Variants in MPPE1 observed in about 807,000 individuals in gnomAD.
The protein encoded by MPPE1 is metallophosphoesterase 1.
In MPPE1, 28 loss-of-function variants were observed where a neutral mutation model predicts 43.8. That is an observed-to-expected ratio of 0.64 (90% confidence interval 0.47 to 0.88). The LOEUF (loss-of-function observed/expected upper bound fraction) is 0.88, where lower values mean the gene tolerates loss of function less well. Among genes scored for constraint, MPPE1 ranks in the 40% least tolerant of loss-of-function variants. The pLI, the probability that MPPE1 is intolerant of heterozygous loss-of-function variation, is 0.00. For synonymous variants in MPPE1, 159 were observed against 188.5 expected, an observed-to-expected ratio of 0.84 and a Z score of 1.28; for missense variants, 428 against 492.2, an observed-to-expected ratio of 0.87 and a Z score of 1.23.
chr18:11,886,628 G>C lies in MPPE1; in HGVS notation c.745-7C>G. On this transcript the variant is annotated splice_polypyrimidine_tract_variant and splice_region_variant and intron_variant, in intron 8 of 10. Coordinates refer to ENST00000588072, the MANE Select transcript of MPPE1 (RefSeq NM_023075.6). The surrounding 1 kb of genome is among the most constrained non-coding windows in gnomAD (Gnocchi z 4.1). Reference sequence around the variant, plus strand: ...TCCGATACAGAGGATAATGCTGTCCGGGGTGGAGAGAGGAGTTCAGGCGGC... The same window carrying C: ...TCCGATACAGAGGATAATGCTGTCCCGGGTGGAGAGAGGAGTTCAGGCGGC... 1 of 1,614,140 alleles carries C rather than the reference G, an allele frequency of 6.2e-7. No individual in the cohort carries two copies. Among genetic ancestry groups the C allele is most frequent in the Non-Finnish European group, 8.5e-7 (1 of 1,180,042 alleles).
chr18:11,890,343 A>G (rs1021617277), intron 4 of MPPE1, among the ~76,000 whole-genome samples: 8 of 150,912 alleles, frequency 5.3e-5, no homozygotes, highest in Non-Finnish European at 1.0e-4. Context: ...GGGTCTCACT[A>G]TGTCACCCAG....
chr18:11,884,838 G>A (rs1038887677), intron 10 of MPPE1: 15 of 1,387,378 alleles, frequency 1.1e-5, no homozygotes, highest in Admixed American at 3.0e-5. Context: ...AGACAAGTAA[G>A]GCCCAAGTGT....
chr18:11,901,462 C>T lies in MPPE1; in HGVS notation c.-92-4106G>A, dbSNP rs576233578. ...GCCAGACTGGTATCGAACTCCTGGC[C>T]TCAGGTGATCCACCCGCCTCGGCCT... is the stretch of plus-strand genomic sequence containing the variant. On this transcript the variant is annotated intron_variant, in intron 2 of 10. Coordinates refer to ENST00000588072, the MANE Select transcript of MPPE1 (RefSeq NM_023075.6). Among the ~76,000 whole-genome samples, 543 of 151,892 alleles carry T rather than the reference C, an allele frequency of 3.6e-3. 4 individuals are homozygous for T. Among genetic ancestry groups the T allele is most frequent in the African/African-American group, 0.012 (503 of 41,490 alleles).
chr18:11,897,505 CTAA>C (rs1262332118), intron 2 of MPPE1, 149 bp from the exon 3 acceptor site: 16 of 465,322 alleles, frequency 3.4e-5, no homozygotes, highest in African/African-American at 2.2e-4. Context: ...TGCCAGATTA[CTAA>C]TAAGGAAAAC....
In MPPE1 at chr18:11,886,869, G is replaced by T; in HGVS notation, c.678+48C>A. On this transcript the variant is annotated intron_variant, in intron 7 of 10. Coordinates refer to ENST00000588072, the MANE Select transcript of MPPE1 (RefSeq NM_023075.6). The surrounding 1 kb of genome is among the most constrained non-coding windows in gnomAD (Gnocchi z 4.1). ...GGGGGCTGAGTGAGCAACCGAAGCGGAGCAACACGGGACAGAAGGCACCTG... is the reference window on the plus strand; with the variant it reads ...GGGGGCTGAGTGAGCAACCGAAGCGTAGCAACACGGGACAGAAGGCACCTG... 1 of 1,596,078 alleles carries T rather than the reference G, an allele frequency of 6.3e-7. No individual in the cohort carries two copies. Among genetic ancestry groups the T allele is most frequent in the East Asian group, 2.2e-5 (1 of 44,472 alleles).
Position 11,882,903 on chromosome 18 carries a change from T to C in MPPE1, c.*1542A>G, listed in dbSNP as rs1375443466. The C allele has an allele frequency of 6.6e-6, 1 of 152,150 alleles. No individual in the cohort carries two copies. The highest frequency in any genetic ancestry group is 1.5e-5 in the Non-Finnish European group (1 of 68,030). 9.4% of individuals were successfully genotyped at this position (152,150 alleles called of 1,614,324 possible). A position where few individuals can be genotyped will look rare whatever the true frequency, so the allele number is the denominator to read the frequency against. ...ACAATATCTAGAAAGTAAGAACTGG[T>C]GTAGCAATGATGCTTCATATTCTAG... On this transcript the variant is annotated 3_prime_UTR_variant, in exon 11 of 11. Coordinates refer to ENST00000588072, the MANE Select transcript of MPPE1 (RefSeq NM_023075.6).
chr18:11,903,593 T>C (rs1598604576), intron 2 of MPPE1, among the ~76,000 whole-genome samples: 1 of 151,900 alleles, frequency 6.6e-6, no homozygotes, highest in Admixed American at 6.6e-5. Flanking sequence ...GATCACAAGG[T>C]TAGGAGATCG....
chr18:11,886,523 C>T lies in MPPE1; in HGVS notation c.843G>A (p.Val281=). The change falls in exon 9 of 11, where the codon GTG becomes GTA. Residue 281 remains valine (V), a synonymous_variant. Transcript: ENST00000588072. This position sits in a 1 kb window ranked among gnomAD's most constrained non-coding sequence, Gnocchi z 4.1. The stretch of plus-strand genomic sequence containing the variant: ...CCTTTTGTGATGCCTCCCGTGAAAG[C>T]ACGTCATAGTTCTCCTTAAATGGGA... ...RDIPFKENYD[V]LSREASQKLL... 6.2e-7 allele frequency: 1 copy of T among 1,614,196 alleles called. No individual in the cohort carries two copies. The highest frequency in any genetic ancestry group is 8.5e-7 in the Non-Finnish European group (1 of 1,180,034).
In MPPE1 at chr18:11,884,147, G is replaced by A. The variant is rs1469552758; in HGVS notation, c.*298C>T. On this transcript the variant is annotated 3_prime_UTR_variant, in exon 11 of 11. Coordinates refer to ENST00000588072, the MANE Select transcript of MPPE1 (RefSeq NM_023075.6). ...CCTTCCTGGGGGAACAAGGACTGTC[G>A]TGCATGTGAGTGACGACATTAATAG... is the stretch of plus-strand genomic sequence containing the variant. 1.8e-5 allele frequency: 5 copies of A among 283,296 alleles called. No individual in the cohort carries two copies. The highest frequency in any genetic ancestry group is 2.7e-5 in the Non-Finnish European group (4 of 147,114). 17.5% of individuals were successfully genotyped at this position (283,296 alleles called of 1,614,324 possible).
chr18:11,897,078 G>A lies in MPPE1; in HGVS notation c.187C>T (p.Gln63Ter), dbSNP rs2038686832. The A allele has an allele frequency of 4.6e-6, 7 of 1,527,338 alleles. No individual in the cohort carries two copies. Among genetic ancestry groups the A allele is most frequent in the African/African-American group, 1.4e-5 (1 of 72,488 alleles). The allele number at this position is 1,527,338 out of a possible 1,614,324, so 94.6% of individuals were successfully genotyped here. A position where few individuals can be genotyped will look rare whatever the true frequency, so the allele number is the denominator to read the frequency against. Residue 63 changes from glutamine (Q) to a stop codon, truncating the protein, a stop_gained, in exon 3 of 11, where the codon CAG becomes TAG. Coordinates refer to ENST00000588072, the MANE Select transcript of MPPE1 (RefSeq NM_023075.6). LOFTEE classifies it high-confidence loss of function. Reference sequence around the variant, plus strand: ...TTGAGCACAGGCTCACGTGTGGTCTGTTCACCATCAGAGGCTGTGGTTTTC... The same window carrying A: ...TTGAGCACAGGCTCACGTGTGGTCTATTCACCATCAGAGGCTGTGGTTTTC... ...EVKTTASDGE[Q>*]TTREPVLKAM... is the part of the protein sequence containing the mutation.
chr18:11,893,220 C>T (rs555447472), intron 4 of MPPE1: 55 of 452,152 alleles, frequency 1.2e-4, no homozygotes, highest in Non-Finnish European at 2.0e-4. Context: ...TCTGGCTAAT[C>T]GACATATTTC....
At chr18:11,892,527 G>T (rs865936608) in intron 4 of MPPE1, among the ~76,000 whole-genome samples, 69 of 151,880 alleles carry the variant, frequency 4.5e-4, no homozygotes, top group Non-Finnish European at 6.3e-4. Flanking sequence ...AAATTAGCCG[G>T]GCGTGGTGAC....
chr18:11,890,176 T>C (rs1295806183), intron 4 of MPPE1, among the ~76,000 whole-genome samples: 1 of 151,894 alleles, frequency 6.6e-6, no homozygotes, highest in Admixed American at 6.6e-5. Flanking sequence ...TCTCCTGACC[T>C]CATGATCCGC....
rs189935004 is a variant in MPPE1, at chr18:11,904,657, G to A, written c.-93+1546C>T. On this transcript the variant is annotated intron_variant, in intron 2 of 10. Transcript: ENST00000588072. ...TTTTAAAAGATAAGAGTGGCTGTGC[G>A]GGGCATGGTGGCTCATGCCTGTAAT... Among the ~76,000 whole-genome samples the A allele has an allele frequency of 3.1e-3, 467 of 152,264 alleles. 2 individuals are homozygous for A. The highest frequency in any genetic ancestry group is 6.9e-3 in the Admixed American group (105 of 15,286).
Position 11,886,395 on chromosome 18 carries a change from G to C in MPPE1, c.867+104C>G. On this transcript the variant is annotated intron_variant, in intron 9 of 10. Coordinates refer to ENST00000588072, the MANE Select transcript of MPPE1 (RefSeq NM_023075.6). This position sits in a 1 kb window ranked among gnomAD's most constrained non-coding sequence, Gnocchi z 4.1. ...CCCAGGTGATAACTAAGTCATGAAC[G>C]TTTCAGCAAACACCTGCTCTAGCCT... 6.5e-7 allele frequency: 1 copy of C among 1,534,426 alleles called. No homozygotes were observed. Among genetic ancestry groups the C allele is most frequent in the Admixed American group, 1.7e-5 (1 of 59,340 alleles).
chr18:11,884,786 C>G, intron 10 of MPPE1, 159 bp from the exon 11 acceptor site: 1 of 1,357,480 alleles, frequency 7.4e-7, no homozygotes, highest in South Asian at 1.5e-5. Flanking sequence ...CAGCCTTCTC[C>G]CTGCACAGCT....
Position 11,889,480 on chromosome 18 carries a change from T to C in MPPE1, c.401A>G (p.Asp134Gly), listed in dbSNP as rs765100834. 4.3e-6 allele frequency: 7 copies of C among 1,612,776 alleles called. No homozygotes were observed. Among genetic ancestry groups the C allele is most frequent in the Non-Finnish European group, 5.9e-6 (7 of 1,179,300 alleles). ...GKWSTPEAWA[D>G]DVERFQKMFR... ...CATTTTCTGAAACCGCTCCACATCA[T>C]CCGCCCAGGCCTGAGGGAAAAAGAA... Residue 134 changes from aspartate (D) to glycine (G), a missense_variant, in exon 5 of 11, where the codon GAT becomes GGT. This residue lies in a region of MPPE1 where 379 missense variants were observed against 402.5 expected (regional missense o/e 0.94). Transcript: ENST00000588072.
chr18:11,884,936 A>G (rs1476487909), intron 10 of MPPE1: 3 of 1,293,040 alleles, frequency 2.3e-6, no homozygotes, highest in Non-Finnish European at 3.0e-6. Flanking sequence ...GGGGATCCAT[A>G]ACAGAGATTC....
chr18:11,885,837 A>G, intron 9 of MPPE1, 21 bp from the exon 10 acceptor site: 1 of 1,591,326 alleles, frequency 6.3e-7, no homozygotes, highest in South Asian at 1.1e-5. Context: ...CCGAGAAGAC[A>G]GCAAAGCAGG....
Sources: allele counts gnomAD v4.1 joint callset (sites outside exome capture counted in the v4.1 genomes callset), GRCh38; gene constraint gnomAD v4.1.1; regional missense constraint gnomAD v4.1.1; non-coding constraint Gnocchi (gnomAD v3.1); transcripts MANE v1.5; gene names NCBI Gene and HGNC (gene_info 2026-07-23, HGNC 2026-07-21).